The following GFPT1 variants were observed in gnomAD, a reference collection of about 807,000 sequenced individuals.
The protein encoded by GFPT1 is glutamine--fructose-6-phosphate transaminase 1.
GFPT1 carries 40 observed loss-of-function variants against 92.0 expected under a neutral mutation model. The ratio of observed to expected loss-of-function variants is 0.43; its 90% CI spans 0.34 to 0.57. GFPT1 has a LOEUF of 0.57. Among genes scored for constraint, GFPT1 ranks in the 20% least tolerant of loss-of-function variants. GFPT1 has a pLI of 0.02. For missense variants in GFPT1, 448 were observed against 869.1 expected, an observed-to-expected ratio of 0.52 and a Z score of 6.09; for synonymous variants, 269 against 280.6, an observed-to-expected ratio of 0.96 and a Z score of 0.41.
At chr2:69,331,704 G>C (rs1424985131) in intron 15 of GFPT1, among the ~76,000 whole-genome samples, 1 of 151,528 alleles carries the variant, frequency 6.6e-6, no homozygotes, top group Admixed American at 6.6e-5. Context: ...TTTTGAGACA[G>C]AGTAATATAT....
At chr2:69,349,955 T>C in intron 10 of GFPT1, 123 bp downstream of exon 10, 1 of 732,844 alleles carries the variant, frequency 1.4e-6, no homozygotes, top group South Asian at 1.5e-5. Flanking sequence ...GTCACCTGTA[T>C]TTCTTTAATT....
At chr2:69,326,577 A>C (rs927908627) in intron 19 of GFPT1, among the ~76,000 whole-genome samples, 10 of 152,214 alleles carry the variant, frequency 6.6e-5, no homozygotes, top group Non-Finnish European at 1.3e-4. Flanking sequence ...AATGCTACAA[A>C]GTCTTCAATG....
intron 15 of GFPT1, among the ~76,000 whole-genome samples, chr2:69,336,091 C>T (rs1213071520): frequency 6.6e-6 from 1 of 150,424 alleles, no homozygotes; most frequent in Non-Finnish European, 1.5e-5. Flanking sequence ...GTAATTCCAG[C>T]ACTTTGGGAG....
intron 1 of GFPT1, among the ~76,000 whole-genome samples, chr2:69,376,763 G>T (rs1671881640): frequency 6.6e-6 from 1 of 152,178 alleles, no homozygotes. Context: ...ATGTAAGCCA[G>T]ATGATAAAAA....
chr2:69,325,899 TCC>T lies in GFPT1; in HGVS notation c.*288_*289del. The T allele has an allele frequency of 5.9e-6, 2 of 340,568 alleles. No homozygotes were observed. The highest frequency in any genetic ancestry group is 5.4e-6 in the Non-Finnish European group (1 of 186,528). 21.1% of individuals were successfully genotyped at this position (340,568 alleles called of 1,614,324 possible). ...TGTCTTCTCAGATTGAAGTGGAGGGTCCAGAAATGCAACACCCAGCATTCTTT... is the reference window on the plus strand; with the variant it reads ...TGTCTTCTCAGATTGAAGTGGAGGGTAGAAATGCAACACCCAGCATTCTTT... On this transcript the variant is annotated 3_prime_UTR_variant, in exon 20 of 20. Coordinates refer to ENST00000357308, the MANE Select transcript of GFPT1 (RefSeq NM_001244710.2).
chr2:69,331,018 G>A (rs993583933), intron 15 of GFPT1, among the ~76,000 whole-genome samples: 3 of 152,138 alleles, frequency 2.0e-5, no homozygotes, highest in African/African-American at 7.2e-5. Context: ...TGAACTAAAA[G>A]ACAATTAGTT....
intron 15 of GFPT1, among the ~76,000 whole-genome samples, chr2:69,337,159 G>A (rs532566846): frequency 2.0e-5 from 3 of 150,844 alleles, no homozygotes; most frequent in African/African-American, 7.3e-5. Context: ...CCACCTCCCA[G>A]GTTCAAGTGA....
chr2:69,326,398 A>G (rs144621407), intron 19 of GFPT1, among the ~76,000 whole-genome samples, 165 bp from the exon 20 acceptor site: 98 of 152,358 alleles, frequency 6.4e-4, no homozygotes, highest in African/African-American at 2.3e-3. Flanking sequence ...AAATATAATC[A>G]CATAATGTGT....
At chr2:69,351,261 C>A (rs1558752606) in intron 9 of GFPT1, among the ~76,000 whole-genome samples, 1 of 152,090 alleles carries the variant, frequency 6.6e-6, no homozygotes, top group East Asian at 1.9e-4. Context: ...TTTGTCAAGA[C>A]ATTAATATTA....
intron 17 of GFPT1, among the ~76,000 whole-genome samples, chr2:69,329,001 A>G (rs1254825497): frequency 6.6e-6 from 1 of 152,132 alleles, no homozygotes; most frequent in Non-Finnish European, 1.5e-5. Flanking sequence ...CACTGTGCCC[A>G]GCTTGACCTC....
chr2:69,344,085 C>T (rs576080740), intron 12 of GFPT1, among the ~76,000 whole-genome samples: 1 of 149,500 alleles, frequency 6.7e-6, no homozygotes, highest in African/African-American at 2.5e-5. Flanking sequence ...GTGTTTTCCA[C>T]AGACCTTGGC....
chr2:69,362,224 G>T (rs1257415743), intron 4 of GFPT1, among the ~76,000 whole-genome samples: 1 of 152,098 alleles, frequency 6.6e-6, no homozygotes, highest in African/African-American at 2.4e-5. Flanking sequence ...CAACCCCCAG[G>T]TTCAGGTGAT....
intron 15 of GFPT1, 25 bp from the exon 16 acceptor site, chr2:69,329,823 C>A (rs1470939479): frequency 5.4e-6 from 6 of 1,119,970 alleles, no homozygotes; most frequent in East Asian, 4.7e-5. Flanking sequence ...AAAAGCAGGA[C>A]AATTAGTTGC....
intron 1 of GFPT1, among the ~76,000 whole-genome samples, chr2:69,381,503 A>G (rs934440914): frequency 2.0e-5 from 3 of 151,744 alleles, no homozygotes; most frequent in African/African-American, 7.3e-5. Flanking sequence ...TAATCTCAAG[A>G]GAGACATATT....
chr2:69,355,408 T>TTTC (rs55762002), intron 7 of GFPT1, among the ~76,000 whole-genome samples: 99,578 of 151,592 alleles, frequency 0.66, 34,123 homozygotes, highest in African/African-American at 0.87. Context: ...TTTTTAATTA[T>TTTC]TTTTCTTAAT....
At chr2:69,335,135 T>C (rs1279659586) in intron 15 of GFPT1, among the ~76,000 whole-genome samples, 1 of 151,908 alleles carries the variant, frequency 6.6e-6, no homozygotes, top group African/African-American at 2.4e-5. Context: ...GCCTCCTGAG[T>C]AGCTGGGACT....
intron 3 of GFPT1, among the ~76,000 whole-genome samples, chr2:69,366,026 C>T (rs1238316467): frequency 2.6e-5 from 4 of 151,702 alleles, no homozygotes; most frequent in Non-Finnish European, 5.9e-5. Flanking sequence ...GTTGGCCAGG[C>T]TGGTCTCGAA....
At chr2:69,377,207 C>CAAAAAA (rs59023245) in intron 1 of GFPT1, among the ~76,000 whole-genome samples, 2 of 84,416 alleles carry the variant, frequency 2.4e-5, no homozygotes, top group African/African-American at 4.7e-5. Flanking sequence ...GACTCCGTCT[C>CAAAAAA]AAAAAAAAAA....
rs1670488092 is a variant in GFPT1, at chr2:69,324,647, A to G, written c.*1542T>C. The G allele has an allele frequency of 4.6e-5, 7 of 152,190 alleles. No individual in the cohort carries two copies. The highest frequency in any genetic ancestry group is 4.6e-4 in the Admixed American group (7 of 15,270). 9.4% of individuals were successfully genotyped at this position (152,190 alleles called of 1,614,324 possible). ...CTGGCAACAACAATAACTATTAGAA[A>G]ATCTTAACCTCACCCAGAAGTTAAA... On this transcript the variant is annotated 3_prime_UTR_variant, in exon 20 of 20. Transcript: ENST00000357308.
Sources: allele counts gnomAD v4.1 joint callset (sites outside exome capture counted in the v4.1 genomes callset), GRCh38; gene constraint gnomAD v4.1.1; transcripts MANE v1.5; gene names NCBI Gene and HGNC (gene_info 2026-07-23, HGNC 2026-07-21).